The following FRS2 variants were observed in gnomAD, a reference collection of about 807,000 sequenced individuals.
The protein encoded by FRS2 is fibroblast growth factor receptor substrate 2.
Under a neutral mutation model 43.9 loss-of-function variants are expected in FRS2, and 8 were observed. The ratio of observed to expected loss-of-function variants is 0.18; its 90% confidence interval spans 0.11 to 0.33. FRS2 has a LOEUF of 0.33. FRS2 is among the 10% of genes least tolerant of loss of function. The probability of loss-of-function intolerance (pLI) is 1.00; values close to 1 mark genes in which losing one functional copy is unlikely to be tolerated. For synonymous variants in FRS2, 219 were observed against 220.3 expected, an observed-to-expected ratio of 0.99 and a Z score of 0.05; for missense variants, 534 against 627.6, an observed-to-expected ratio of 0.85 and a Z score of 1.59.
intron 1 of FRS2, among the ~76,000 whole-genome samples, chr12:69,508,459 CCTCA>C (rs1333864649): frequency 6.6e-6 from 1 of 151,994 alleles, no homozygotes. Context: ...TTATGATTGG[CCTCA>C]CTATTACTGG....
chr12:69,487,856 C>T (rs1224802361), intron 1 of FRS2, among the ~76,000 whole-genome samples: 1 of 152,098 alleles, frequency 6.6e-6, no homozygotes, highest in East Asian at 1.9e-4. Flanking sequence ...AAGTTGATTC[C>T]AGCTCTTATA....
intron 1 of FRS2, among the ~76,000 whole-genome samples, chr12:69,514,584 G>T (rs149735689): frequency 6.6e-6 from 1 of 152,170 alleles, no homozygotes; most frequent in Non-Finnish European, 1.5e-5. Flanking sequence ...TTTAATCCCA[G>T]CACTTTAGGA....
At chr12:69,485,082 AACACACACACAC>A (rs71094716) in intron 1 of FRS2, among the ~76,000 whole-genome samples, 1,105 of 85,338 alleles carry the variant, frequency 0.013, 13 homozygotes, top group Middle Eastern at 0.032. Context: ...CTCATCTTAA[AACACACACACAC>A]ACACACACAC....
At chr12:69,533,992 C>T (rs1321457917) in intron 3 of FRS2, among the ~76,000 whole-genome samples, 1 of 152,088 alleles carries the variant, frequency 6.6e-6, no homozygotes, top group Non-Finnish European at 1.5e-5. Context: ...TTGGCTTACA[C>T]CTAGCTTACA....
intron 3 of FRS2, among the ~76,000 whole-genome samples, chr12:69,561,308 T>A (rs556282520): frequency 6.6e-6 from 1 of 152,080 alleles, no homozygotes; most frequent in Non-Finnish European, 1.5e-5. Context: ...AAGTTCAGAG[T>A]TGAAATTGTT....
chr12:69,476,436 C>A, intron 1 of FRS2, among the ~76,000 whole-genome samples: 1 of 152,122 alleles, frequency 6.6e-6, no homozygotes, highest in Admixed American at 6.6e-5. Flanking sequence ...AGATAAATAA[C>A]TCGCCTTTGA....
chr12:69,476,854 G>A (rs1035245339), intron 1 of FRS2, among the ~76,000 whole-genome samples: 3 of 152,150 alleles, frequency 2.0e-5, no homozygotes, highest in South Asian at 2.1e-4. Flanking sequence ...TTTTGGTTGC[G>A]TAATTTTAAA....
At chr12:69,567,579 A>G (rs1880407192) in intron 4 of FRS2, among the ~76,000 whole-genome samples, 1 of 152,150 alleles carries the variant, frequency 6.6e-6, no homozygotes, top group African/African-American at 2.4e-5. Context: ...ACTCAGTACA[A>G]AGTGTGATAG....
At chr12:69,497,718 A>G (rs1417217354) in intron 1 of FRS2, among the ~76,000 whole-genome samples, 1 of 152,228 alleles carries the variant, frequency 6.6e-6, no homozygotes, top group African/African-American at 2.4e-5. Flanking sequence ...GGGAGAGAAC[A>G]TTTCAAGAGA....
chr12:69,529,922 T>G (rs1199815353), intron 1 of FRS2, among the ~76,000 whole-genome samples: 1 of 151,856 alleles, frequency 6.6e-6, no homozygotes, highest in Non-Finnish European at 1.5e-5. Flanking sequence ...TAGCCAGGTG[T>G]GGTAGAGCAC....
At chr12:69,519,087 G>T (rs956175697) in intron 1 of FRS2, among the ~76,000 whole-genome samples, 26 of 152,116 alleles carry the variant, frequency 1.7e-4, no homozygotes, top group Non-Finnish European at 4.4e-5. Flanking sequence ...GGGGGCCAAG[G>T]TGTGTTTTAT....
In FRS2 at chr12:69,575,156, C is replaced by A; in HGVS notation, c.*201C>A. ...AGAACACTAATTTCATTATATACTACTCGTTGTACAGCAGCATTCCCGTTT... is the reference window on the plus strand; with the variant it reads ...AGAACACTAATTTCATTATATACTAATCGTTGTACAGCAGCATTCCCGTTT... On this transcript the variant is annotated 3_prime_UTR_variant, in exon 9 of 9. Coordinates refer to ENST00000549921, the MANE Select transcript of FRS2 (RefSeq NM_001278356.2). 1.9e-6 allele frequency: 1 copy of A among 516,420 alleles called. No individual in the cohort carries two copies. The highest frequency in any genetic ancestry group is 3.5e-5 in the South Asian group (1 of 28,886). The allele number at this position is 516,420 out of a possible 1,614,324, so 32.0% of individuals were successfully genotyped here. A position where few individuals can be genotyped will look rare whatever the true frequency, so the allele number is the denominator to read the frequency against.
At chr12:69,509,188 T>G (rs901072245) in intron 1 of FRS2, among the ~76,000 whole-genome samples, 2 of 152,206 alleles carry the variant, frequency 1.3e-5, no homozygotes, top group Admixed American at 6.5e-5. Flanking sequence ...CAGTAAGACA[T>G]TTTGTCTTGC....
chr12:69,551,627 C>A (rs991793750), intron 3 of FRS2, among the ~76,000 whole-genome samples: 1 of 152,074 alleles, frequency 6.6e-6, no homozygotes, highest in African/African-American at 2.4e-5. Context: ...TGATTGATTT[C>A]TTCACCTTCA....
At chr12:69,488,656 A>G (rs1872179034) in intron 1 of FRS2, among the ~76,000 whole-genome samples, 1 of 152,158 alleles carries the variant, frequency 6.6e-6, no homozygotes, top group Non-Finnish European at 1.5e-5. Context: ...TCCTATTTGA[A>G]GCTGTTTTGA....
intron 1 of FRS2, among the ~76,000 whole-genome samples, chr12:69,526,467 A>G (rs1310817158): frequency 6.9e-6 from 1 of 145,588 alleles, no homozygotes; most frequent in African/African-American, 2.5e-5. Flanking sequence ...CCTACACAAT[A>G]TTTTTTCATT....
chr12:69,503,347 GGTTA>G (rs1397924422), intron 1 of FRS2, among the ~76,000 whole-genome samples: 1 of 152,020 alleles, frequency 6.6e-6, no homozygotes, highest in Non-Finnish European at 1.5e-5. Context: ...GGATTTTTGA[GGTTA>G]GTTCAGGATT....
intron 3 of FRS2, among the ~76,000 whole-genome samples, chr12:69,551,451 T>C (rs1364252593): frequency 1.3e-5 from 2 of 152,252 alleles, no homozygotes; most frequent in Non-Finnish European, 1.5e-5. Context: ...ATGTGGCTCT[T>C]CAGAATTACC....
intron 4 of FRS2, among the ~76,000 whole-genome samples, chr12:69,565,400 CTGTT>C (rs1351986041): frequency 2.0e-5 from 3 of 152,178 alleles, no homozygotes; most frequent in African/African-American, 7.2e-5. Flanking sequence ...TTAGGCTACG[CTGTT>C]TGTTTAAATA....
Sources: allele counts gnomAD v4.1 joint callset (sites outside exome capture counted in the v4.1 genomes callset), GRCh38; gene constraint gnomAD v4.1.1; transcripts MANE v1.5; gene names NCBI Gene and HGNC (gene_info 2026-07-23, HGNC 2026-07-21).